The following PRICKLE2 variants were observed in gnomAD, a reference collection of about 807,000 sequenced individuals.
The protein encoded by PRICKLE2 is prickle-like protein 2.
In PRICKLE2, 21 loss-of-function variants were observed where a neutral mutation model predicts 81.4. The ratio of observed to expected loss-of-function variants is 0.26; its 90% CI spans 0.18 to 0.37. The LOEUF (loss-of-function observed/expected upper bound fraction) is 0.37, where lower values mean the gene tolerates loss of function less well. Ranked by LOEUF, PRICKLE2 falls within the 10% of genes least tolerant of loss-of-function variation. PRICKLE2 has a pLI of 1.00. For missense variants in PRICKLE2, 940 were observed against 1,109.0 expected (o/e 0.85, Z 2.16); for synonymous variants, 456 against 421.5 (o/e 1.08, Z -1.00).
rs937191236 is a variant in PRICKLE2 at position 64,207,728 on chromosome 3, T to TA, written c.-40-8762dup. Among the ~76,000 whole-genome samples the TA allele has an allele frequency of 1.4e-3, 207 of 149,474 alleles. 1 individual carries two copies. Among genetic ancestry groups the TA allele is most frequent in the South Asian group, 0.014 (65 of 4,744 alleles). On this transcript the variant is annotated intron_variant, in intron 1 of 7. Transcript: ENST00000638394. ...AGAGTTAAAAGTTAGGTCCCTTCGA[T>TA]AAAAAAAAAATCTGACAACCAGATT... is the stretch of plus-strand genomic sequence containing the variant.
intron 1 of PRICKLE2, chr3:64,200,170 G>A (rs1023715483): frequency 6.6e-6 from 1 of 152,104 alleles, no homozygotes; most frequent in South Asian, 2.1e-4. Flanking sequence ...TCTATTTTCT[G>A]TCTCTATGGT....
intron 2 of PRICKLE2, among the ~76,000 whole-genome samples, chr3:64,164,307 A>G (rs1223309385): frequency 6.6e-6 from 1 of 152,172 alleles, no homozygotes; most frequent in African/African-American, 2.4e-5. Context: ...AACACACCAC[A>G]GCCTGGGCAA....
At chr3:64,127,243 A>T (rs1039274400) in intron 7 of PRICKLE2, among the ~76,000 whole-genome samples, 2 of 152,200 alleles carry the variant, frequency 1.3e-5, no homozygotes, top group African/African-American at 4.8e-5. Flanking sequence ...CCAATAAGAT[A>T]ATGTGCAACA....
At chr3:64,183,957 A>G (rs1435790075) in intron 2 of PRICKLE2, among the ~76,000 whole-genome samples, 2 of 152,126 alleles carry the variant, frequency 1.3e-5, no homozygotes, top group Non-Finnish European at 2.9e-5. Context: ...CACTGGCCCT[A>G]TGCGACAATG....
intron 2 of PRICKLE2, among the ~76,000 whole-genome samples, chr3:64,237,144 T>C (rs901280452): frequency 2.0e-5 from 3 of 152,154 alleles, no homozygotes; most frequent in African/African-American, 7.2e-5. Flanking sequence ...CAGCAGTGTC[T>C]AGGGATTGTC....
At chr3:64,246,993 G>T (rs778417409) in intron 2 of PRICKLE2, among the ~76,000 whole-genome samples, 4 of 152,116 alleles carry the variant, frequency 2.6e-5, no homozygotes, top group Non-Finnish European at 5.9e-5. Context: ...CAGCCTCCAT[G>T]GTTCAATCGA....
At chr3:64,103,134 T>C (rs2076695899) in intron 7 of PRICKLE2, 1 of 152,218 alleles carries the variant, frequency 6.6e-6, no homozygotes, top group South Asian at 2.1e-4. Context: ...CATTAGAATA[T>C]ATTCATCTGA....
intron 7 of PRICKLE2, among the ~76,000 whole-genome samples, chr3:64,142,219 C>T (rs1206970722): frequency 6.6e-6 from 1 of 151,960 alleles, no homozygotes; most frequent in East Asian, 1.9e-4. Flanking sequence ...TAGAAACGCA[C>T]ACAAAATGAC....
rs937266549 is a variant in PRICKLE2 at position 64,097,688 on chromosome 3, T to G, written c.*1363A>C. ...TGTTTTTTTAAAGACATTGCACCAC[T>G]GAAATCTCAGCAGCTCAACCTTCCT... On this transcript the variant is annotated 3_prime_UTR_variant, in exon 8 of 8. Transcript: ENST00000638394. 1.3e-5 allele frequency: 2 copies of G among 152,672 alleles called. No homozygotes were observed. The highest frequency in any genetic ancestry group is 6.5e-5 in the Admixed American group (1 of 15,288). 9.5% of individuals were successfully genotyped at this position (152,672 alleles called of 1,614,324 possible). A position where few individuals can be genotyped will look rare whatever the true frequency, so the allele number is the denominator to read the frequency against.
chr3:64,176,290 C>T (rs1321626497), intron 2 of PRICKLE2, among the ~76,000 whole-genome samples: 2 of 152,150 alleles, frequency 1.3e-5, no homozygotes, highest in African/African-American at 4.8e-5. Flanking sequence ...AGCAATCTGT[C>T]TCCAAAGAAT....
At chr3:64,219,606 A>G (rs1450499823) in intron 1 of PRICKLE2, among the ~76,000 whole-genome samples, 3 of 152,214 alleles carry the variant, frequency 2.0e-5, no homozygotes, top group African/African-American at 7.2e-5. Context: ...TTCTGTTTCA[A>G]GTCTGACATA....
chr3:64,166,031 T>C (rs2077827375), intron 2 of PRICKLE2, among the ~76,000 whole-genome samples: 1 of 151,786 alleles, frequency 6.6e-6, no homozygotes, highest in African/African-American at 2.4e-5. Context: ...TTTGTTTTTG[T>C]TTTTAGAAAC....
At chr3:64,182,603 G>C (rs1052196314) in intron 2 of PRICKLE2, 11 of 152,134 alleles carry the variant, frequency 7.2e-5, no homozygotes, top group African/African-American at 2.4e-4. Flanking sequence ...CACCACCTGA[G>C]GATGCAGCAA....
At chr3:64,134,692 T>C (rs576473587) in intron 7 of PRICKLE2, among the ~76,000 whole-genome samples, 1 of 152,304 alleles carries the variant, frequency 6.6e-6, no homozygotes, top group South Asian at 2.1e-4. Context: ...TTGAGAATCA[T>C]TCATCTAGAC....
At chr3:64,219,329 A>G (rs973250224) in intron 1 of PRICKLE2, among the ~76,000 whole-genome samples, 2 of 152,192 alleles carry the variant, frequency 1.3e-5, no homozygotes, top group African/African-American at 4.8e-5. Flanking sequence ...ACGGAAACAT[A>G]CATTTTAGTT....
At chr3:64,110,906 A>G (rs153714) in intron 7 of PRICKLE2, among the ~76,000 whole-genome samples, 135,791 of 147,050 alleles carry the variant, frequency 0.92, 63,645 homozygotes, top group Non-Finnish European at 1. Flanking sequence ...AGCTTGCAGT[A>G]AGCCGAGATC....
chr3:64,100,191 G>C (rs1445294643), intron 7 of PRICKLE2: 1 of 512,636 alleles, frequency 2.0e-6, no homozygotes, highest in African/African-American at 1.9e-5. Context: ...GCTCATCAAA[G>C]TTACTAAGAG....
At chr3:64,191,115 G>GT (rs71281391) in intron 2 of PRICKLE2, among the ~76,000 whole-genome samples, 22,433 of 152,082 alleles carry the variant, frequency 0.15, 1,707 homozygotes, top group East Asian at 0.22. Flanking sequence ...AAACAGAAAG[G>GT]TTCCCATATT....
intron 1 of PRICKLE2, among the ~76,000 whole-genome samples, chr3:64,217,746 AC>A (rs1243572713): frequency 4.6e-5 from 7 of 152,238 alleles, no homozygotes; most frequent in East Asian, 1.9e-4. Context: ...ACAGAAAAAA[AC>A]GTGTCGATTA....
Sources: allele counts gnomAD v4.1 joint callset (sites outside exome capture counted in the v4.1 genomes callset), GRCh38; gene constraint gnomAD v4.1.1; transcripts MANE v1.5; gene names NCBI Gene and HGNC (gene_info 2026-07-23, HGNC 2026-07-21).